The following ALK variants were observed in gnomAD, a reference collection of about 807,000 sequenced individuals.
The protein encoded by ALK is ALK receptor tyrosine kinase.
ALK carries 74 observed loss-of-function variants against 163.1 expected under a neutral mutation model. The observed-to-expected ratio is 0.45, with a 90% confidence interval of 0.38 to 0.55. The LOEUF is 0.55. Among genes scored for constraint, ALK ranks in the 20% least tolerant of loss-of-function variants. The pLI is 0.00. For missense variants in ALK, 2,063 were observed against 2,105.3 expected (o/e 0.98, Z 0.39); for synonymous variants, 960 against 843.2 (o/e 1.14, Z -2.40).
intron 5 of ALK, among the ~76,000 whole-genome samples, chr2:29,339,801 C>A (rs1667737260): frequency 6.6e-6 from 1 of 152,118 alleles, no homozygotes; most frequent in Non-Finnish European, 1.5e-5. Flanking sequence ...AGGGTGGGAC[C>A]AGGGCTGTCT....
chr2:29,198,961 CTTT>C (rs145929777), intron 26 of ALK, among the ~76,000 whole-genome samples: 3 of 144,908 alleles, frequency 2.1e-5, no homozygotes, highest in African/African-American at 7.5e-5. Flanking sequence ...TAGTTGTTTT[CTTT>C]TTTTTTTTTT....
At position 29,193,775 on chromosome 2, in the gene ALK, G is replaced by A. The variant is rs1558604000; in HGVS notation, c.4312C>T (p.Pro1438Ser). The A allele has an allele frequency of 1.3e-6, 2 of 1,594,004 alleles. No homozygotes were observed. The highest frequency in any genetic ancestry group is 2.7e-5 in the African/African-American group (2 of 74,244). ...QQAKREEERS[P>S]AAPPPLPTTS... is the part of the protein sequence containing the mutation. ...GTAGGCAGAGGTGGTGGGGCAGCTG[G>A]GCTGCGCTCCTCCTCCCGTTTTGCC... Residue 1438 changes from proline (P) to serine (S), a missense_variant, in exon 29 of 29, where the codon CCA becomes TCA. Pro to Ser is a moderately conservative substitution (Grantham distance 74). Coordinates refer to ENST00000389048, the MANE Select transcript of ALK (RefSeq NM_004304.5).
chr2:29,375,331 AT>A (rs1668729495), intron 5 of ALK, among the ~76,000 whole-genome samples: 2 of 151,756 alleles, frequency 1.3e-5, no homozygotes, highest in African/African-American at 2.4e-5. Flanking sequence ...TTATTTATTT[AT>A]TTTTTTGAGA....
At chr2:29,396,764 A>T (rs6729472) in intron 4 of ALK, among the ~76,000 whole-genome samples, 13,385 of 149,290 alleles carry the variant, frequency 0.09, 2,006 homozygotes, top group African/African-American at 0.31. Context: ...CTCCCTGCAC[A>T]TACCAGGGCT....
intron 4 of ALK, among the ~76,000 whole-genome samples, chr2:29,438,395 G>A (rs1329428469): frequency 6.6e-6 from 1 of 152,226 alleles, no homozygotes; most frequent in Non-Finnish European, 1.5e-5. Context: ...TTGTTATTTA[G>A]TGCTGCACTA....
intron 5 of ALK, among the ~76,000 whole-genome samples, chr2:29,339,108 T>C (rs1000888738): frequency 6.6e-6 from 1 of 152,122 alleles, no homozygotes; most frequent in South Asian, 2.1e-4. Context: ...CCAGATGTGG[T>C]GGCATGTACC....
intron 5 of ALK, among the ~76,000 whole-genome samples, chr2:29,358,138 G>C (rs577842274): frequency 2.6e-5 from 4 of 152,302 alleles, no homozygotes; most frequent in African/African-American, 9.6e-5. Context: ...AGTTTGTCAG[G>C]AGTACCTATA....
intron 4 of ALK, among the ~76,000 whole-genome samples, chr2:29,473,204 C>T (rs756166949): frequency 6.6e-6 from 1 of 152,140 alleles, no homozygotes; most frequent in African/African-American, 2.4e-5. Flanking sequence ...AGTCCAGGAA[C>T]AAACCTATTC....
At chr2:29,717,496 T>G (rs1029878184) in intron 2 of ALK, 82 bp downstream of exon 2, 27 of 1,553,552 alleles carry the variant, frequency 1.7e-5, no homozygotes, top group South Asian at 1.0e-4. Flanking sequence ...TGGAGCACTA[T>G]GAATCCCAAA....
intron 1 of ALK, among the ~76,000 whole-genome samples, chr2:29,909,516 GAGAA>G (rs1460548866): frequency 6.9e-6 from 1 of 144,210 alleles, no homozygotes; most frequent in African/African-American, 2.9e-5. Context: ...GAGAGAGAGA[GAGAA>G]TGCTCCACAA....
At chr2:29,417,811 C>T (rs1310694053) in intron 4 of ALK, among the ~76,000 whole-genome samples, 2 of 152,194 alleles carry the variant, frequency 1.3e-5, no homozygotes, top group Non-Finnish European at 2.9e-5. Flanking sequence ...TCTATTCTTG[C>T]ATCTGCTAAG....
At chr2:29,263,156 C>T (rs1175139495) in intron 11 of ALK, among the ~76,000 whole-genome samples, 1 of 152,218 alleles carries the variant, frequency 6.6e-6, no homozygotes, top group Non-Finnish European at 1.5e-5. Flanking sequence ...CTGCCACACT[C>T]AAGCCCAAAG....
At chr2:29,572,284 G>A (rs1471264582) in intron 3 of ALK, among the ~76,000 whole-genome samples, 3 of 152,214 alleles carry the variant, frequency 2.0e-5, no homozygotes, top group African/African-American at 7.2e-5. Context: ...GAGAGGTCTT[G>A]AGCCCTGGAA....
chr2:29,494,823 C>T (rs142272138), intron 4 of ALK, among the ~76,000 whole-genome samples: 8 of 146,960 alleles, frequency 5.4e-5, no homozygotes, highest in African/African-American at 1.8e-4. Context: ...TTGTGAGAAG[C>T]TCAAAGCTCT....
chr2:29,421,050 C>T (rs970565118), intron 4 of ALK, among the ~76,000 whole-genome samples: 7 of 151,588 alleles, frequency 4.6e-5, no homozygotes, highest in East Asian at 1.9e-4. Context: ...CCACGTTCAT[C>T]CCAGGGCAGC....
chr2:29,408,154 C>T (rs1669636090), intron 4 of ALK, among the ~76,000 whole-genome samples: 1 of 149,154 alleles, frequency 6.7e-6, no homozygotes, highest in Non-Finnish European at 1.5e-5. Context: ...GCCATCTTGG[C>T]TCACTGCAAA....
intron 4 of ALK, among the ~76,000 whole-genome samples, chr2:29,400,499 C>T (rs1669417273): frequency 6.6e-6 from 1 of 152,160 alleles, no homozygotes; most frequent in Admixed American, 6.5e-5. Context: ...CCCAGGGGAC[C>T]CCTCCTTACC....
At chr2:29,480,755 A>G (rs562954395) in intron 4 of ALK, among the ~76,000 whole-genome samples, 5 of 151,042 alleles carry the variant, frequency 3.3e-5, no homozygotes, top group African/African-American at 7.3e-5. Flanking sequence ...CAGATGCAAA[A>G]GTGGGAACTC....
At chr2:29,916,668 A>G (rs1667842928) in intron 1 of ALK, among the ~76,000 whole-genome samples, 2 of 152,216 alleles carry the variant, frequency 1.3e-5, no homozygotes, top group African/African-American at 4.8e-5. Flanking sequence ...TGTAAAATCC[A>G]AAGTCATGTA....
Sources: gnomAD v4.1 joint callset for allele counts (sites outside exome capture counted in the v4.1 genomes callset) on GRCh38, gnomAD v4.1.1 for gene constraint, MANE v1.5 for transcripts, NCBI Gene and HGNC (gene_info 2026-07-23, HGNC 2026-07-21) for gene names.